ADGRV1: variants seen among roughly 807,000 people sequenced by gnomAD.
ADGRV1 encodes adhesion G protein-coupled receptor V1, also known as G-protein coupled receptor 98.
ADGRV1 carries 359 observed loss-of-function variants against 596.2 expected under a neutral mutation model. The observed-to-expected ratio is 0.60, with a 90% CI of 0.55 to 0.66. The LOEUF (loss-of-function observed/expected upper bound fraction) is 0.66. Among genes scored for constraint, ADGRV1 ranks in the 30% least tolerant of loss-of-function variants. The pLI is 0.00. For missense variants in ADGRV1, 7,274 were observed against 7,575.6 expected (o/e 0.96, Z 1.48); for synonymous variants, 2,681 against 2,679.2 (o/e 1.00, Z -0.02).
intron 86 of ADGRV1, among the ~76,000 whole-genome samples, chr5:91,094,292 C>G (rs962917025): frequency 6.6e-6 from 1 of 151,940 alleles, no homozygotes; most frequent in Admixed American, 6.6e-5. Context: ...AACCCCATCT[C>G]TACTAAAAAC....
At chr5:90,910,232 C>T (rs1220716102) in intron 83 of ADGRV1, among the ~76,000 whole-genome samples, 1 of 152,230 alleles carries the variant, frequency 6.6e-6, no homozygotes, top group Non-Finnish European at 1.5e-5. Flanking sequence ...GGAGCTGATA[C>T]TTGTGCTCCT....
intron 85 of ADGRV1, among the ~76,000 whole-genome samples, chr5:90,997,384 T>C (rs1781507985): frequency 6.6e-6 from 1 of 151,932 alleles, no homozygotes. Flanking sequence ...TCTCTCTTTT[T>C]CCTGTTCTGG....
At chr5:90,811,727 C>CT (rs78107294) in intron 74 of ADGRV1, among the ~76,000 whole-genome samples, 2,180 of 139,148 alleles carry the variant, frequency 0.016, 16 homozygotes, top group Middle Eastern at 0.061. Context: ...GCAGGAAATT[C>CT]TTTTTTTTTT....
chr5:91,141,669 G>A (rs73771195), intron 87 of ADGRV1, among the ~76,000 whole-genome samples: 1,601 of 152,268 alleles, frequency 0.011, 37 homozygotes, highest in African/African-American at 0.037. Flanking sequence ...CAGAAATACT[G>A]TATATATTTG....
chr5:90,815,067 G>A (rs1327017616), intron 74 of ADGRV1, among the ~76,000 whole-genome samples: 1 of 151,996 alleles, frequency 6.6e-6, no homozygotes, highest in African/African-American at 2.4e-5. Context: ...ATGCTCAGGA[G>A]TTCCTTAATA....
chr5:90,618,342 T>G (rs2152057359), intron 3 of ADGRV1, among the ~76,000 whole-genome samples: 1 of 152,328 alleles, frequency 6.6e-6, no homozygotes, highest in Non-Finnish European at 1.5e-5. Context: ...GAGGTCCCTG[T>G]GACTTAAATT....
intron 84 of ADGRV1, among the ~76,000 whole-genome samples, chr5:90,967,689 A>G (rs1778599210): frequency 1.3e-5 from 2 of 151,544 alleles, no homozygotes; most frequent in African/African-American, 4.8e-5. Flanking sequence ...CAGCTGCAAC[A>G]GAGAGCTGCC....
intron 6 of ADGRV1, chr5:90,625,528 A>G (rs1208059723): frequency 1.7e-5 from 4 of 239,192 alleles, no homozygotes; most frequent in Admixed American, 5.5e-5. Flanking sequence ...AGCAAGAACA[A>G]TACTAACCTA....
chr5:90,937,757 A>G (rs905784058), intron 83 of ADGRV1, among the ~76,000 whole-genome samples: 1 of 151,996 alleles, frequency 6.6e-6, no homozygotes, highest in Non-Finnish European at 1.5e-5. Context: ...GCGCCCGGCC[A>G]GTGATTGTAT....
At chr5:90,697,208 A>C (rs761126953) in intron 34 of ADGRV1, 62 bp downstream of exon 34, 8 of 1,425,030 alleles carry the variant, frequency 5.6e-6, no homozygotes, top group Non-Finnish European at 7.8e-6. Context: ...TCTTTTGTCT[A>C]GTTCTTTAAA....
intron 85 of ADGRV1, among the ~76,000 whole-genome samples, chr5:90,989,124 A>G (rs1052225544): frequency 2.0e-5 from 3 of 152,076 alleles, no homozygotes; most frequent in African/African-American, 7.2e-5. Context: ...TCTTTATAGC[A>G]GCATGATTTA....
intron 83 of ADGRV1, among the ~76,000 whole-genome samples, chr5:90,952,564 A>G (rs1468765708): frequency 2.0e-5 from 3 of 152,196 alleles, no homozygotes; most frequent in Non-Finnish European, 4.4e-5. Context: ...ATAGATATCC[A>G]GGACATGTAA....
intron 83 of ADGRV1, among the ~76,000 whole-genome samples, chr5:90,864,598 GA>G (rs1253674660): frequency 6.6e-6 from 1 of 152,094 alleles, no homozygotes; most frequent in Non-Finnish European, 1.5e-5. Flanking sequence ...CTTCATAGAG[GA>G]GATGATATTG....
At chr5:90,629,577 C>T (rs755453103) in intron 9 of ADGRV1, 38 bp downstream of exon 9, 1 of 1,396,184 alleles carries the variant, frequency 7.2e-7, no homozygotes, top group South Asian at 1.3e-5. Flanking sequence ...TTTTGGTTAA[C>T]CTTCAAGTGT....
At chr5:90,932,852 T>C (rs1054542114) in intron 83 of ADGRV1, among the ~76,000 whole-genome samples, 5 of 152,074 alleles carry the variant, frequency 3.3e-5, no homozygotes, top group Non-Finnish European at 7.3e-5. Context: ...TATGTATACA[T>C]GTAAAAACAC....
chr5:91,108,593 TAC>T (rs1303123838), intron 87 of ADGRV1, among the ~76,000 whole-genome samples: 5 of 151,278 alleles, frequency 3.3e-5, no homozygotes, highest in Non-Finnish European at 7.4e-5. Context: ...CCTCTTTCTC[TAC>T]AGTCTTTTTT....
chr5:91,015,520 T>C (rs1191422862), intron 85 of ADGRV1, among the ~76,000 whole-genome samples: 1 of 152,084 alleles, frequency 6.6e-6, no homozygotes, highest in Non-Finnish European at 1.5e-5. Flanking sequence ...AGTCTATGTC[T>C]CTTTGTAGGT....
At chr5:90,982,178 A>G (rs1033205172) in intron 84 of ADGRV1, among the ~76,000 whole-genome samples, 2 of 152,202 alleles carry the variant, frequency 1.3e-5, no homozygotes, top group Non-Finnish European at 2.9e-5. Context: ...TCATTGTTTA[A>G]TATGAGAAGT....
intron 83 of ADGRV1, among the ~76,000 whole-genome samples, chr5:90,923,548 G>GA (rs1317928226): frequency 1.3e-5 from 2 of 152,064 alleles, no homozygotes; most frequent in Non-Finnish European, 2.9e-5. Context: ...TCTTGTAGAA[G>GA]AAAAAAATCA....
Sources: gnomAD v4.1 joint callset for allele counts (sites outside exome capture counted in the v4.1 genomes callset) on GRCh38, gnomAD v4.1.1 for gene constraint, MANE v1.5 for transcripts, NCBI Gene and HGNC (gene_info 2026-07-23, HGNC 2026-07-21) for gene names.